Variants in RNF4 observed in about 807,000 individuals in gnomAD.
RNF4 encodes the protein E3 ubiquitin-protein ligase RNF4.
A neutral mutation model predicts 24.3 loss-of-function variants in RNF4; 7 were observed. That is an observed-to-expected ratio of 0.29 (90% CI 0.16 to 0.54). The LOEUF is 0.54. Among genes scored for constraint, RNF4 ranks in the 20% least tolerant of loss-of-function variants. The probability of loss-of-function intolerance (pLI) is 0.95; values close to 1 mark genes in which losing one functional copy is unlikely to be tolerated. For missense variants in RNF4, 209 were observed against 248.5 expected, an observed-to-expected ratio of 0.84 and a Z score of 1.07; for synonymous variants, 83 against 84.3, an observed-to-expected ratio of 0.98 and a Z score of 0.09.
intron 1 of RNF4, among the ~76,000 whole-genome samples, chr4:2,475,459 C>G (rs886228668): frequency 6.6e-6 from 1 of 152,178 alleles, no homozygotes; most frequent in African/African-American, 2.4e-5. Context: ...CTGCCTCAGC[C>G]TCCCGGGTAG....
At chr4:2,498,348 T>C (rs1735800811) in intron 3 of RNF4, among the ~76,000 whole-genome samples, 1 of 152,056 alleles carries the variant, frequency 6.6e-6, no homozygotes, top group Non-Finnish European at 1.5e-5. Context: ...CACACCCGGC[T>C]AAATTTTTTT....
intron 4 of RNF4, 112 bp from the exon 5 acceptor site, chr4:2,511,844 C>T: frequency 9.1e-7 from 1 of 1,101,096 alleles, no homozygotes; most frequent in Non-Finnish European, 1.3e-6. Context: ...TGCTGCTCAC[C>T]AGAGGGTTCC....
At chr4:2,490,627 G>GT (rs1307981102) in intron 2 of RNF4, 125 bp downstream of exon 2, 2 of 987,680 alleles carry the variant, frequency 2.0e-6, no homozygotes, top group Non-Finnish European at 3.0e-6. Context: ...TCTTGAAGGA[G>GT]TATGTATAGG....
At chr4:2,513,228 AC>A in intron 7 of RNF4, 97 bp downstream of exon 7, 4 of 1,120,582 alleles carry the variant, frequency 3.6e-6, no homozygotes, top group South Asian at 2.5e-5. Flanking sequence ...GGGATTGGAC[AC>A]CCCTACTCAC....
At chr4:2,495,435 C>T (rs921178136) in intron 2 of RNF4, among the ~76,000 whole-genome samples, 20 of 152,174 alleles carry the variant, frequency 1.3e-4, no homozygotes, top group African/African-American at 4.8e-4. Flanking sequence ...CGTCTCTGCG[C>T]AGTACTTTAC....
intron 1 of RNF4, among the ~76,000 whole-genome samples, chr4:2,481,811 G>A (rs373694663): frequency 2.1e-4 from 32 of 152,198 alleles, no homozygotes; most frequent in African/African-American, 7.0e-4. Flanking sequence ...AGTCTCAAGC[G>A]AGCCTCCCAC....
chr4:2,481,253 G>T (rs1321551261), intron 1 of RNF4: 2 of 152,170 alleles, frequency 1.3e-5, no homozygotes, highest in Non-Finnish European at 2.9e-5. Flanking sequence ...CATTTCTCAT[G>T]TGTAGAGCTT....
At chr4:2,499,909 C>T (rs1326832324) in intron 3 of RNF4, among the ~76,000 whole-genome samples, 1 of 152,182 alleles carries the variant, frequency 6.6e-6, no homozygotes, top group Non-Finnish European at 1.5e-5. Flanking sequence ...GTAATCCCAA[C>T]ACTTTGGAAG....
chr4:2,476,444 G>T (rs1477054645), intron 1 of RNF4, among the ~76,000 whole-genome samples: 2 of 152,156 alleles, frequency 1.3e-5, no homozygotes, highest in African/African-American at 4.8e-5. Context: ...ACCCAGGCTG[G>T]AGTACAGTGG....
At chr4:2,486,752 AG>A (rs549844546) in intron 1 of RNF4, among the ~76,000 whole-genome samples, 9 of 152,220 alleles carry the variant, frequency 5.9e-5, no homozygotes, top group Non-Finnish European at 1.5e-5. Flanking sequence ...AGAGAGGCTT[AG>A]GAACAGCCTG....
chr4:2,476,640 C>G lies in RNF4; in HGVS notation c.-158+7382C>G, dbSNP rs562544584. Among the ~76,000 whole-genome samples the G allele has an allele frequency of 4.5e-4, 68 of 152,108 alleles. 1 individual carries two copies. The highest frequency in any genetic ancestry group is 7.4e-4 in the Non-Finnish European group (50 of 67,990). On this transcript the variant is annotated intron_variant, in intron 1 of 7. Coordinates refer to ENST00000314289, the MANE Select transcript of RNF4 (RefSeq NM_002938.5). The stretch of plus-strand genomic sequence containing the variant: ...ACTCCTGACCTTGTGATCCACCCAC[C>G]TCGGCCTCCCAAAGTGCTGGGATTA...
intron 1 of RNF4, chr4:2,480,976 G>A (rs577945911): frequency 6.6e-6 from 1 of 152,334 alleles, no homozygotes; most frequent in South Asian, 2.1e-4. Flanking sequence ...TGCCCACAGT[G>A]TCATCTGTGA....
chr4:2,512,075 C>T lies in RNF4; in HGVS notation c.214+110C>T. 2 of 1,032,418 alleles carry T rather than the reference C, an allele frequency of 1.9e-6. No homozygotes were observed. The highest frequency in any genetic ancestry group is 2.3e-5 in the Admixed American group (1 of 42,836). 64.0% of individuals were successfully genotyped at this position (1,032,418 alleles called of 1,614,324 possible). ...CCATCCCCAAGGGCTTGGAGCGCTC[C>T]AAGCAGGAAGATGCCTTCGCAGATG... On this transcript the variant is annotated intron_variant, in intron 5 of 7. Coordinates refer to ENST00000314289, the MANE Select transcript of RNF4 (RefSeq NM_002938.5). This position sits in a 1 kb window ranked among gnomAD's most constrained non-coding sequence, Gnocchi z 4.1.
intron 1 of RNF4, among the ~76,000 whole-genome samples, chr4:2,486,655 G>C (rs936948848): frequency 2.0e-5 from 3 of 152,200 alleles, no homozygotes; most frequent in Non-Finnish European, 4.4e-5. Context: ...TGGTTTCAGA[G>C]TGGTGAGGGG....
At chr4:2,488,359 A>T (rs1243002277) in intron 1 of RNF4, among the ~76,000 whole-genome samples, 1 of 152,222 alleles carries the variant, frequency 6.6e-6, no homozygotes, top group African/African-American at 2.4e-5. Context: ...AGCTACTGGG[A>T]GGCTGAGGCA....
chr4:2,482,565 C>G (rs1735275425), intron 1 of RNF4, among the ~76,000 whole-genome samples: 1 of 152,204 alleles, frequency 6.6e-6, no homozygotes, highest in South Asian at 2.1e-4. Context: ...GGCCCCAAAG[C>G]CTAGGCCATC....
At chr4:2,492,176 G>GC (rs1735601817) in intron 2 of RNF4, among the ~76,000 whole-genome samples, 1 of 151,774 alleles carries the variant, frequency 6.6e-6, no homozygotes, top group Admixed American at 6.6e-5. Context: ...TCCAGCCTGG[G>GC]GGCAGAGCAA....
At chr4:2,471,926 G>A (rs1734920355) in intron 1 of RNF4, among the ~76,000 whole-genome samples, 1 of 152,196 alleles carries the variant, frequency 6.6e-6, no homozygotes, top group African/African-American at 2.4e-5. Context: ...AGTAAGTGTT[G>A]ATGAAGAAGC....
intron 1 of RNF4, among the ~76,000 whole-genome samples, chr4:2,471,996 A>G (rs1326749084): frequency 6.6e-6 from 1 of 152,248 alleles, no homozygotes; most frequent in African/African-American, 2.4e-5. Context: ...CACACTAAAC[A>G]ACAGACTTTC....
Sources: gnomAD v4.1 joint callset for allele counts (sites outside exome capture counted in the v4.1 genomes callset) on GRCh38, gnomAD v4.1.1 for gene constraint, Gnocchi (gnomAD v3.1) non-coding constraint, MANE v1.5 for transcripts, NCBI Gene and HGNC (gene_info 2026-07-23, HGNC 2026-07-21) for gene names.